EYS: variants seen among roughly 807,000 people sequenced by gnomAD.
The protein encoded by EYS is EGF-like photoreceptor maintenance factor, also known as protein eyes shut homolog.
EYS carries 250 observed loss-of-function variants against 282.1 expected under a neutral mutation model. The observed-to-expected ratio is 0.89, with a 90% CI of 0.80 to 0.98. EYS has a LOEUF of 0.98. Ranked by LOEUF, EYS falls within the 50% of genes least tolerant of loss-of-function variation. The pLI is 0.00. For synonymous variants in EYS, 1,355 were observed against 1,282.9 expected (o/e 1.06, Z -1.20); for missense variants, 4,016 against 3,709.0 (o/e 1.08, Z -2.15).
chr6:63,970,051 G>A (rs1474133645), intron 35 of EYS, among the ~76,000 whole-genome samples: 1 of 152,152 alleles, frequency 6.6e-6, no homozygotes, highest in East Asian at 1.9e-4. Flanking sequence ...GATGGCCATG[G>A]GTTATTGGGT....
At chr6:65,590,197 G>C (rs1377695347) in intron 2 of EYS, among the ~76,000 whole-genome samples, 1 of 152,012 alleles carries the variant, frequency 6.6e-6, no homozygotes, top group Non-Finnish European at 1.5e-5. Context: ...GGAAAGGGTA[G>C]CATGGAACCT....
intron 29 of EYS, among the ~76,000 whole-genome samples, chr6:64,322,876 A>G (rs1401666868): frequency 1.3e-5 from 2 of 152,020 alleles, no homozygotes; most frequent in African/African-American, 2.4e-5. Context: ...CCTGAGCACA[A>G]TTTTGTCTGT....
At chr6:64,519,452 A>T (rs1475941953) in intron 26 of EYS, among the ~76,000 whole-genome samples, 2 of 151,772 alleles carry the variant, frequency 1.3e-5, no homozygotes, top group African/African-American at 4.8e-5. Flanking sequence ...GAGAAAACAC[A>T]TTTTCCTCGG....
intron 12 of EYS, among the ~76,000 whole-genome samples, chr6:65,232,542 C>T (rs1562038895): frequency 1.3e-5 from 2 of 151,956 alleles, no homozygotes; most frequent in African/African-American, 4.8e-5. Flanking sequence ...TTTAGATTTG[C>T]TGAAAAGTTA....
intron 12 of EYS, among the ~76,000 whole-genome samples, chr6:65,190,875 G>T (rs1024741699): frequency 6.6e-6 from 1 of 151,772 alleles, no homozygotes; most frequent in African/African-American, 2.4e-5. Context: ...TGTAGGTGTG[G>T]GTTATTACTA....
intron 36 of EYS, among the ~76,000 whole-genome samples, chr6:63,826,845 C>CAAAAAAAAAAAAAAAAAAAAAAAAAA (rs59957107): frequency 2.7e-4 from 21 of 76,738 alleles, no homozygotes; most frequent in East Asian, 4.1e-4. Flanking sequence ...AGTTAAAAAG[C>CAAAAAAAAAAAAAAAAAAAAAAAAAA]AAAAAAAAAA....
At chr6:64,123,963 C>T (rs1773678040) in intron 31 of EYS, among the ~76,000 whole-genome samples, 1 of 152,114 alleles carries the variant, frequency 6.6e-6, no homozygotes, top group African/African-American at 2.4e-5. Flanking sequence ...AATTTTACAA[C>T]TATTAGATAA....
At chr6:63,864,905 C>G (rs955656163) in intron 35 of EYS, among the ~76,000 whole-genome samples, 7 of 152,178 alleles carry the variant, frequency 4.6e-5, no homozygotes, top group Non-Finnish European at 1.0e-4. Context: ...TGTGAGTGTG[C>G]ATGAAAGCAG....
chr6:64,987,343 A>C (rs1341222394), intron 14 of EYS, among the ~76,000 whole-genome samples: 1 of 151,572 alleles, frequency 6.6e-6, no homozygotes, highest in African/African-American at 2.4e-5. Flanking sequence ...ATACTTATGC[A>C]CTATGGCTCT....
intron 12 of EYS, among the ~76,000 whole-genome samples, chr6:65,123,609 G>A (rs955019599): frequency 6.6e-5 from 10 of 152,154 alleles, no homozygotes; most frequent in African/African-American, 1.9e-4. Context: ...AAGAGCAGAA[G>A]GTTGACAAAC....
chr6:64,453,865 G>A (rs543695934), intron 26 of EYS, among the ~76,000 whole-genome samples: 11 of 152,088 alleles, frequency 7.2e-5, no homozygotes, highest in Non-Finnish European at 1.2e-4. Flanking sequence ...TGTGGCGTGG[G>A]GGGAGTGGGG....
chr6:64,501,905 C>T (rs970054898), intron 26 of EYS, among the ~76,000 whole-genome samples: 1 of 152,122 alleles, frequency 6.6e-6, no homozygotes, highest in Non-Finnish European at 1.5e-5. Flanking sequence ...TAGCACCAGA[C>T]TGTCAGGGTG....
chr6:64,899,781 A>G (rs1767594124), intron 18 of EYS, among the ~76,000 whole-genome samples: 1 of 152,084 alleles, frequency 6.6e-6, no homozygotes, highest in African/African-American at 2.4e-5. Context: ...AAGAATCAAT[A>G]TTGTGAAAAT....
At chr6:64,802,283 C>T (rs972637522) in intron 22 of EYS, among the ~76,000 whole-genome samples, 2 of 151,788 alleles carry the variant, frequency 1.3e-5, no homozygotes, top group East Asian at 1.9e-4. Context: ...TAACTCCTGA[C>T]CTCATGATCC....
intron 12 of EYS, among the ~76,000 whole-genome samples, chr6:65,140,347 G>GA (rs201686545): frequency 3.9e-4 from 58 of 149,750 alleles, no homozygotes; most frequent in Non-Finnish European, 6.5e-4. Flanking sequence ...AAAATAAACT[G>GA]AAAAAAAAAT....
At chr6:65,474,445 AAATAT>A (rs1274173888) in intron 5 of EYS, among the ~76,000 whole-genome samples, 2 of 152,126 alleles carry the variant, frequency 1.3e-5, no homozygotes, top group Non-Finnish European at 2.9e-5. Context: ...AATCCTCAGC[AAATAT>A]AATATACAGA....
At chr6:64,191,073 AC>A (rs1440819652) in intron 31 of EYS, among the ~76,000 whole-genome samples, 1 of 152,046 alleles carries the variant, frequency 6.6e-6, no homozygotes, top group African/African-American at 2.4e-5. Flanking sequence ...ATTCTTACTG[AC>A]TTACAGGAAT....
At chr6:64,465,966 A>T (rs1035601634) in intron 26 of EYS, among the ~76,000 whole-genome samples, 1 of 152,126 alleles carries the variant, frequency 6.6e-6, no homozygotes, top group Non-Finnish European at 1.5e-5. Context: ...CTCTTCTTAA[A>T]AGAAGACAAA....
At chr6:65,663,767 C>T (rs185466157) in intron 1 of EYS, among the ~76,000 whole-genome samples, 1,849 of 152,184 alleles carry the variant, frequency 0.012, 12 homozygotes, top group Non-Finnish European at 0.016. Flanking sequence ...CTGCAAGCTC[C>T]GCCTCCCGGG....
Sources: gnomAD v4.1 joint callset for allele counts (sites outside exome capture counted in the v4.1 genomes callset) on GRCh38, gnomAD v4.1.1 for gene constraint, MANE v1.5 for transcripts, NCBI Gene and HGNC (gene_info 2026-07-23, HGNC 2026-07-21) for gene names.